LIMCH1: variants seen among roughly 807,000 people sequenced by gnomAD.
LIMCH1 encodes LIM and calponin homology domains 1.
A neutral mutation model predicts 176.5 loss-of-function variants in LIMCH1; 113 were observed. The observed-to-expected ratio is 0.64, with a 90% CI of 0.55 to 0.75. LIMCH1 has a LOEUF of 0.75. LIMCH1 is among the 30% of genes least tolerant of loss of function. The pLI is 0.00. For missense variants in LIMCH1, 1,674 were observed against 1,814.9 expected (o/e 0.92, Z 1.41); for synonymous variants, 619 against 645.9 (o/e 0.96, Z 0.63).
chr4:41,472,328 CCCTCCCTCCCTG>C lies in LIMCH1; in HGVS notation c.97-22193_97-22182del, dbSNP rs530934699. Among the ~76,000 whole-genome samples the C allele has an allele frequency of 3.0e-3, 433 of 143,802 alleles. 2 individuals carry two copies. The highest frequency in any genetic ancestry group is 0.01 in the African/African-American group (405 of 39,192). The allele number at this position is 143,802 out of a possible 152,430, so 94.3% of individuals were successfully genotyped here. ...CAGAAAGCCAGTTCCTTCCCTCCCTCCCTCCCTCCCTGCCTCCCTCCCTGCCCCTCCCTTCCT... is the reference window on the plus strand; with the variant it reads ...CAGAAAGCCAGTTCCTTCCCTCCCTCCCTCCCTCCCTGCCCCTCCCTTCCT... On this transcript the variant is annotated intron_variant, in intron 1 of 26. Transcript: ENST00000313860.
rs59260210 is a variant in LIMCH1 at position 41,447,852 on chromosome 4, G to A, written c.97-46684G>A. Among the ~76,000 whole-genome samples, 480 of 152,168 alleles carry A rather than the reference G, an allele frequency of 3.2e-3. 3 individuals carry two copies. Among genetic ancestry groups the A allele is most frequent in the African/African-American group, 0.011 (464 of 41,510 alleles). On this transcript the variant is annotated intron_variant, in intron 1 of 26. Coordinates refer to the LIMCH1 transcript ENST00000313860. Reference sequence around the variant, plus strand: ...GTCTCCCAGTCTGGAGTGCAGTGGCGCGATTTCCGCTGACTGCAACCTCTG... The same window carrying A: ...GTCTCCCAGTCTGGAGTGCAGTGGCACGATTTCCGCTGACTGCAACCTCTG...
chr4:41,676,438 A>G lies in LIMCH1; in HGVS notation c.3495A>G (p.Gln1165=). ...EEERRRQEKW[Q]QEQERLLQER... ...AGCGCAGGCGACAGGAAAAATGGCA[A>G]CAGGAACAGGAACGTTTGCTCCAGG... Residue 1165 remains glutamine, a synonymous_variant, in exon 23 of 32, where the codon CAA becomes CAG. Transcript: ENST00000503057. 6.2e-7 allele frequency: 1 copy of G among 1,613,980 alleles called. No homozygotes were observed. The highest frequency in any genetic ancestry group is 1.7e-5 in the Admixed American group (1 of 60,024).
chr4:41,545,284 CG>C (rs1561695800), intron 1 of LIMCH1, among the ~76,000 whole-genome samples: 1 of 152,094 alleles, frequency 6.6e-6, no homozygotes, highest in African/African-American at 2.4e-5. Flanking sequence ...GTGTTTGAGT[CG>C]GAAGAGAAAA....
chr4:41,648,825 G>A (rs898785300), intron 17 of LIMCH1, among the ~76,000 whole-genome samples: 5 of 151,578 alleles, frequency 3.3e-5, no homozygotes, highest in African/African-American at 9.7e-5. Context: ...GTTACCACCC[G>A]TTGCTAGGTT....
chr4:41,484,027 A>G (rs1418716023), intron 1 of LIMCH1, among the ~76,000 whole-genome samples: 1 of 152,256 alleles, frequency 6.6e-6, no homozygotes, highest in Non-Finnish European at 1.5e-5. Flanking sequence ...AGAAGCAATA[A>G]TCAAACACCA....
At chr4:41,695,504 A>G (rs980817194) in intron 31 of LIMCH1, among the ~76,000 whole-genome samples, 24 of 151,914 alleles carry the variant, frequency 1.6e-4, no homozygotes, top group African/African-American at 5.1e-4. Flanking sequence ...TCATAAACTA[A>G]GTTCCCATAT....
chr4:41,551,830 C>T (rs1405375919), intron 1 of LIMCH1, among the ~76,000 whole-genome samples: 2 of 152,220 alleles, frequency 1.3e-5, no homozygotes, highest in African/African-American at 4.8e-5. Context: ...AACATATGGA[C>T]CACAGAGCCT....
intron 1 of LIMCH1, among the ~76,000 whole-genome samples, chr4:41,484,336 C>T (rs2069151688): frequency 6.6e-6 from 1 of 152,166 alleles, no homozygotes. Context: ...CACTGACTGA[C>T]ATAAAACAGG....
chr4:41,560,523 T>C (rs2081932074), intron 1 of LIMCH1, among the ~76,000 whole-genome samples: 1 of 152,206 alleles, frequency 6.6e-6, no homozygotes, highest in African/African-American at 2.4e-5. Flanking sequence ...CCCTCAAATG[T>C]GCTTGCTTCT....
At chr4:41,454,940 ATGTGTGTG>A (rs761501125) in intron 1 of LIMCH1, among the ~76,000 whole-genome samples, 198 of 131,344 alleles carry the variant, frequency 1.5e-3, no homozygotes, top group African/African-American at 4.4e-3. Context: ...GTATGCGTAC[ATGTGTGTG>A]TGTGTGTGTG....
chr4:41,363,166 A>G (rs539718395), intron 1 of LIMCH1, among the ~76,000 whole-genome samples: 121 of 152,302 alleles, frequency 7.9e-4, no homozygotes, highest in Non-Finnish European at 1.3e-3. Flanking sequence ...CCGAGTCTGC[A>G]AACCACGGGA....
At chr4:41,680,413 C>A (rs1714760065) in intron 24 of LIMCH1, among the ~76,000 whole-genome samples, 1 of 152,114 alleles carries the variant, frequency 6.6e-6, no homozygotes, top group African/African-American at 2.4e-5. Flanking sequence ...CAGTTCCATT[C>A]ATTTGTGTGT....
intron 25 of LIMCH1, among the ~76,000 whole-genome samples, chr4:41,682,088 C>G (rs2153048170): frequency 6.6e-6 from 1 of 152,260 alleles, no homozygotes; most frequent in Non-Finnish European, 1.5e-5. Context: ...GGTCCTATGA[C>G]TGTTTTATTT....
At chr4:41,559,143 A>G (rs1195666388) in intron 1 of LIMCH1, among the ~76,000 whole-genome samples, 2 of 152,186 alleles carry the variant, frequency 1.3e-5, no homozygotes, top group Non-Finnish European at 1.5e-5. Flanking sequence ...TGTCTTTTAA[A>G]TACAGTACTC....
chr4:41,407,411 G>A (rs2059075565), intron 1 of LIMCH1, among the ~76,000 whole-genome samples: 1 of 152,104 alleles, frequency 6.6e-6, no homozygotes, highest in African/African-American at 2.4e-5. Context: ...AAATTTTTTT[G>A]TAGAGAGGAG....
At chr4:41,685,659 A>G (rs778106538) in intron 27 of LIMCH1, 51 bp from the exon 28 acceptor site, 15 of 1,606,904 alleles carry the variant, frequency 9.3e-6, no homozygotes, top group Non-Finnish European at 1.3e-5. Context: ...CTTCCTAGGT[A>G]GTAAGGTGAT....
chr4:41,668,844 A>G (rs1027285448), intron 21 of LIMCH1, among the ~76,000 whole-genome samples: 1 of 152,200 alleles, frequency 6.6e-6, no homozygotes, highest in Non-Finnish European at 1.5e-5. Flanking sequence ...GGGACATCTT[A>G]CATGGTGGCC....
At chr4:41,497,005 A>G (rs915612847) in intron 2 of LIMCH1, among the ~76,000 whole-genome samples, 3 of 152,238 alleles carry the variant, frequency 2.0e-5, no homozygotes, top group Non-Finnish European at 2.9e-5. Context: ...AGGACTCTCT[A>G]CAATTTCAAA....
intron 28 of LIMCH1, among the ~76,000 whole-genome samples, 172 bp downstream of exon 28, chr4:41,686,002 CT>C (rs1445595597): frequency 1.3e-5 from 2 of 152,170 alleles, no homozygotes; most frequent in Non-Finnish European, 2.9e-5. Flanking sequence ...TTGGGTCAGT[CT>C]TTCTGGCAAG....
Sources: gnomAD v4.1 joint callset for allele counts (sites outside exome capture counted in the v4.1 genomes callset) on GRCh38, gnomAD v4.1.1 for gene constraint, MANE v1.5 for transcripts, NCBI Gene and HGNC (gene_info 2026-07-23, HGNC 2026-07-21) for gene names.